The following EPB41 variants were observed in gnomAD, a reference collection of about 807,000 sequenced individuals.
EPB41 encodes protein 4.1.
A neutral mutation model predicts 108.0 loss-of-function variants in EPB41; 65 were observed. That is an observed-to-expected ratio of 0.60 (90% CI 0.49 to 0.74). The LOEUF is 0.74. Ranked by LOEUF, EPB41 falls within the 30% of genes least tolerant of loss-of-function variation. EPB41 has a pLI of 0.00. For missense variants in EPB41, 875 were observed against 1,037.0 expected, an observed-to-expected ratio of 0.84 and a Z score of 2.15; for synonymous variants, 336 against 358.9, an observed-to-expected ratio of 0.94 and a Z score of 0.72.
At chr1:29,034,973 GTTTTTTT>G (rs10580931) in intron 9 of EPB41, among the ~76,000 whole-genome samples, 11 of 87,188 alleles carry the variant, frequency 1.3e-4, no homozygotes, top group Admixed American at 4.5e-4. Flanking sequence ...TTTGTTTGTT[GTTTTTTT>G]TTTTTTTTTT....
At chr1:29,087,695 G>T (rs1659650890) in intron 16 of EPB41, among the ~76,000 whole-genome samples, 1 of 151,886 alleles carries the variant, frequency 6.6e-6, no homozygotes, top group South Asian at 2.1e-4. Context: ...GGAATTCATA[G>T]GTCAAAAAAG....
intron 17 of EPB41, among the ~76,000 whole-genome samples, chr1:29,102,806 C>T (rs1381757810): frequency 6.6e-6 from 1 of 151,710 alleles, no homozygotes; most frequent in African/African-American, 2.4e-5. Flanking sequence ...GAGTTTCCCT[C>T]TTGTCGCCCA....
At chr1:28,912,129 T>C (rs186974797), upstream of EPB41, among the ~76,000 whole-genome samples, 5 of 152,336 alleles carry the variant, frequency 3.3e-5, no homozygotes, top group East Asian at 7.7e-4. Context: ...AGTTTCCTTA[T>C]ATGTAAAATG....
In EPB41 at chr1:29,115,559, G is replaced by A. The variant is rs1235555417; in HGVS notation, c.2497-140G>A. The A allele has an allele frequency of 5.5e-6, 4 of 721,458 alleles. No homozygotes were observed. Among genetic ancestry groups the A allele is most frequent in the Middle Eastern group, 4.6e-4 (2 of 4,302 alleles). The allele number at this position is 721,458 out of a possible 1,614,324, so 44.7% of individuals were successfully genotyped here. On this transcript the variant is annotated intron_variant, in intron 19 of 20. Transcript: ENST00000343067. The surrounding 1 kb of genome is among the most constrained non-coding windows in gnomAD (Gnocchi z 4.4). Reference sequence around the variant, plus strand: ...GATAGGGTGGGTAAGGTAATTATCAGCTTGGCTTAGCCTAAAGCTGCCCTG... The same window carrying A: ...GATAGGGTGGGTAAGGTAATTATCAACTTGGCTTAGCCTAAAGCTGCCCTG...
In EPB41 at chr1:28,916,217, C is replaced by G. The variant is rs2092658854; in HGVS notation, c.-8+1449C>G. Among the ~76,000 whole-genome samples, 4 of 152,250 alleles carry G rather than the reference C, an allele frequency of 2.6e-5. No homozygotes were observed. The South Asian group carries it at 6.2e-4, about 24-fold the overall frequency. On this transcript the variant is annotated intron_variant, in intron 1 of 20. Transcript: ENST00000343067. The stretch of plus-strand genomic sequence containing the variant: ...CAAAAATAGATGTAATAACTGAACA[C>G]CAGATTGCCTTAGAATCAAAGTAGT...
chr1:29,002,150 G>A (rs1168883093), intron 4 of EPB41, among the ~76,000 whole-genome samples: 1 of 152,050 alleles, frequency 6.6e-6, no homozygotes, highest in African/African-American at 2.4e-5. Flanking sequence ...TAAAAATAAG[G>A]TGTTATCATT....
chr1:29,053,910 C>T (rs2150769835), intron 12 of EPB41: 1 of 152,750 alleles, frequency 6.5e-6, no homozygotes, highest in Non-Finnish European at 1.5e-5. Flanking sequence ...TATGATTGAT[C>T]CTCTGCTTTT....
chr1:28,958,578 G>A (rs186313387), intron 1 of EPB41, among the ~76,000 whole-genome samples: 3 of 151,966 alleles, frequency 2.0e-5, no homozygotes, highest in East Asian at 1.9e-4. Flanking sequence ...TTGGGAGGCC[G>A]AGGCGGGTGG....
intron 18 of EPB41, among the ~76,000 whole-genome samples, chr1:29,110,762 C>G (rs1463922737): frequency 1.3e-5 from 2 of 152,182 alleles, no homozygotes; most frequent in Non-Finnish European, 2.9e-5. Context: ...AATCTACTCA[C>G]CCTCAGGAGA....
intron 16 of EPB41, among the ~76,000 whole-genome samples, chr1:29,093,072 A>G (rs2151433893): frequency 6.6e-6 from 1 of 152,328 alleles, no homozygotes; most frequent in Non-Finnish European, 1.5e-5. Flanking sequence ...TATACCCGTA[A>G]TAGGATTGCT....
At chr1:29,042,488 GT>G (rs539718247) in intron 11 of EPB41, among the ~76,000 whole-genome samples, 1 of 150,936 alleles carries the variant, frequency 6.6e-6, no homozygotes, top group South Asian at 2.1e-4. Context: ...GTTTTGTTTT[GT>G]TTTTTTTGAG....
intron 1 of EPB41, among the ~76,000 whole-genome samples, chr1:28,981,477 T>C (rs1316619452): frequency 1.3e-5 from 2 of 152,250 alleles, no homozygotes; most frequent in Non-Finnish European, 2.9e-5. Flanking sequence ...ATTGTGAAAG[T>C]CTGCCTGCTC....
chr1:28,892,270 T>C (rs1018197840), intron 1 of EPB41, among the ~76,000 whole-genome samples: 21 of 152,092 alleles, frequency 1.4e-4, no homozygotes, highest in African/African-American at 5.1e-4. Flanking sequence ...CAACAGCCCC[T>C]GTAATGATAG....
intron 7 of EPB41, among the ~76,000 whole-genome samples, chr1:29,027,623 G>A (rs542608210): frequency 2.0e-5 from 3 of 151,914 alleles, no homozygotes; most frequent in Admixed American, 6.6e-5. Flanking sequence ...GAGCCACCGC[G>A]CCTGGCTGAG....
intron 16 of EPB41, among the ~76,000 whole-genome samples, chr1:29,092,142 G>T (rs1661468013): frequency 7.4e-6 from 1 of 135,838 alleles, no homozygotes; most frequent in African/African-American, 2.7e-5. Context: ...ATGTTGCCCA[G>T]GCTGGAGTGC....
At chr1:28,921,936 TTTTATATATATATA>T (rs1165543030) in intron 1 of EPB41, among the ~76,000 whole-genome samples, 3 of 66,250 alleles carry the variant, frequency 4.5e-5, no homozygotes, top group South Asian at 1.4e-3. Context: ...ATTTATGAAA[TTTTATATATATATA>T]TATATATATA....
chr1:29,077,722 G>A (rs1408302195), intron 16 of EPB41, among the ~76,000 whole-genome samples: 1 of 151,952 alleles, frequency 6.6e-6, no homozygotes, highest in Non-Finnish European at 1.5e-5. Context: ...CAGGCTATAT[G>A]GTCTGTCACA....
intron 15 of EPB41, 66 bp downstream of exon 15, chr1:29,060,550 CCTTTT>C (rs1398585099): frequency 2.1e-6 from 3 of 1,410,806 alleles, no homozygotes; most frequent in African/African-American, 1.4e-5. Context: ...TTGCTGATCC[CCTTTT>C]CTTCATTCTG....
In EPB41 at chr1:29,063,459, A is replaced by G. The variant is rs544205733; in HGVS notation, c.2008-1523A>G. 1.2e-4 allele frequency among the ~76,000 whole-genome samples: 18 copies of G among 152,348 alleles called. No homozygotes were observed. In the South Asian group the frequency reaches 1.2e-3, roughly 11 times the overall value. ...AAAGAATAGACTAATGAATTTTCTG[A>G]ATGAATATCTACAGAATCAAAATCG... On this transcript the variant is annotated intron_variant, in intron 15 of 20. Transcript: ENST00000343067.
Sources: gnomAD v4.1 joint callset for allele counts (sites outside exome capture counted in the v4.1 genomes callset) on GRCh38, gnomAD v4.1.1 for gene constraint, Gnocchi (gnomAD v3.1) non-coding constraint, MANE v1.5 for transcripts, NCBI Gene and HGNC (gene_info 2026-07-23, HGNC 2026-07-21) for gene names.